Variants in TMEM132D observed in about 807,000 individuals in gnomAD.
TMEM132D encodes the protein transmembrane protein 132D, also known as mature OL transmembrane protein.
TMEM132D carries 21 observed loss-of-function variants against 62.3 expected under a neutral mutation model. The ratio of observed to expected loss-of-function variants is 0.34; its 90% CI spans 0.24 to 0.49. The LOEUF (loss-of-function observed/expected upper bound fraction) is 0.49, where lower values mean the gene tolerates loss of function less well. Ranked by LOEUF, TMEM132D falls within the 20% of genes least tolerant of loss-of-function variation. TMEM132D has a pLI of 0.99. For missense variants in TMEM132D, 1,346 were observed against 1,402.8 expected (o/e 0.96, Z 0.65); for synonymous variants, 621 against 575.6 (o/e 1.08, Z -1.13).
At chr12:129,813,595 C>T (rs945685927) in intron 1 of TMEM132D, among the ~76,000 whole-genome samples, 6 of 113,378 alleles carry the variant, frequency 5.3e-5, no homozygotes, top group East Asian at 7.1e-4. Flanking sequence ...GAAGGATGGA[C>T]GGATACAGAA....
rs186253109 is a variant in TMEM132D at position 129,725,447 on chromosome 12, C to T, written c.80-24749G>A. On this transcript the variant is annotated intron_variant, in intron 1 of 8. Transcript: ENST00000422113. ...TTTCAGTCAATGCTGGTGATGCCAC[C>T]GAACTTGGATTTGGCAAGAAAGGCA... Among the ~76,000 whole-genome samples, 21 of 152,310 alleles carry T rather than the reference C, an allele frequency of 1.4e-4. No individual in the cohort carries two copies. The South Asian group carries it at 4.1e-3, about 30-fold the overall frequency.
At chr12:129,703,427 T>C (rs1311161575) in intron 1 of TMEM132D, among the ~76,000 whole-genome samples, 1 of 151,702 alleles carries the variant, frequency 6.6e-6, no homozygotes, top group East Asian at 1.9e-4. Context: ...TTGCTTAAAA[T>C]TGCTCCATTT....
intron 4 of TMEM132D, among the ~76,000 whole-genome samples, chr12:129,284,131 G>A (rs1196644957): frequency 6.6e-6 from 1 of 152,140 alleles, no homozygotes; most frequent in Admixed American, 6.5e-5. Flanking sequence ...AGACCATCGG[G>A]GACATTTCGG....
chr12:129,348,803 A>G (rs888860417), intron 3 of TMEM132D, among the ~76,000 whole-genome samples: 1 of 152,246 alleles, frequency 6.6e-6, no homozygotes, highest in African/African-American at 2.4e-5. Context: ...ACCTGAACCA[A>G]TGATGGCCGA....
At chr12:129,798,161 A>C (rs1333850577) in intron 1 of TMEM132D, among the ~76,000 whole-genome samples, 1 of 152,218 alleles carries the variant, frequency 6.6e-6, no homozygotes, top group Non-Finnish European at 1.5e-5. Context: ...GAAGCTGAGC[A>C]GATGCCAGCA....
At chr12:129,358,703 C>T (rs1870153251) in intron 3 of TMEM132D, among the ~76,000 whole-genome samples, 1 of 152,130 alleles carries the variant, frequency 6.6e-6, no homozygotes, top group African/African-American at 2.4e-5. Flanking sequence ...CTCAGAGGAC[C>T]TGAGTGTAGC....
intron 3 of TMEM132D, among the ~76,000 whole-genome samples, chr12:129,426,982 T>C (rs2135713938): frequency 6.6e-6 from 1 of 152,304 alleles, no homozygotes; most frequent in Non-Finnish European, 1.5e-5. Flanking sequence ...GGAAAGTCAC[T>C]TTCCTTTACT....
intron 2 of TMEM132D, among the ~76,000 whole-genome samples, chr12:129,603,275 G>A (rs1417107399): frequency 6.6e-6 from 1 of 152,118 alleles, no homozygotes; most frequent in Non-Finnish European, 1.5e-5. Context: ...TAGATTCCCT[G>A]CCCTAAAAAG....
chr12:129,180,229 G>GGAC (rs1565989044), intron 5 of TMEM132D, among the ~76,000 whole-genome samples: 1 of 151,890 alleles, frequency 6.6e-6, no homozygotes, highest in Non-Finnish European at 1.5e-5. Flanking sequence ...AGGAGGAGGA[G>GGAC]GAGGAGGAAG....
chr12:129,628,732 T>A (rs924000136), intron 2 of TMEM132D, among the ~76,000 whole-genome samples: 2 of 152,146 alleles, frequency 1.3e-5, no homozygotes, highest in Non-Finnish European at 2.9e-5. Context: ...ATACTCAGTG[T>A]GATGGCCATG....
chr12:129,561,881 G>C (rs1384182248), intron 2 of TMEM132D, among the ~76,000 whole-genome samples: 1 of 152,196 alleles, frequency 6.6e-6, no homozygotes, highest in Non-Finnish European at 1.5e-5. Context: ...CTTATGAATT[G>C]TTGCTGCTGT....
intron 3 of TMEM132D, among the ~76,000 whole-genome samples, chr12:129,496,478 A>G (rs1874960159): frequency 6.6e-6 from 1 of 152,146 alleles, no homozygotes; most frequent in Non-Finnish European, 1.5e-5. Context: ...GAAGATCATA[A>G]AGGAGGAAAT....
intron 1 of TMEM132D, among the ~76,000 whole-genome samples, chr12:129,800,109 C>G (rs572605961): frequency 9.2e-5 from 14 of 152,154 alleles, no homozygotes; most frequent in African/African-American, 3.1e-4. Flanking sequence ...ATCTCCCCTG[C>G]CATGACTGAA....
chr12:129,218,844 G>A (rs999894279), intron 4 of TMEM132D, among the ~76,000 whole-genome samples: 13 of 152,294 alleles, frequency 8.5e-5, no homozygotes, highest in Middle Eastern at 3.4e-3. Context: ...GGAGTGAGGC[G>A]TAAGCAGCAG....
chr12:129,821,564 ACAGG>A, intron 1 of TMEM132D, among the ~76,000 whole-genome samples: 1 of 152,352 alleles, frequency 6.6e-6, no homozygotes, highest in East Asian at 1.9e-4. Context: ...AAGCTGGACT[ACAGG>A]CAGGCCTCAA....
intron 1 of TMEM132D, among the ~76,000 whole-genome samples, chr12:129,751,092 G>A (rs553217273): frequency 6.6e-5 from 10 of 152,280 alleles, no homozygotes; most frequent in African/African-American, 2.2e-4. Flanking sequence ...CTCTGGAGAT[G>A]AGAGTGTTCC....
chr12:129,399,546 G>T (rs1871550776), intron 3 of TMEM132D, among the ~76,000 whole-genome samples: 1 of 151,894 alleles, frequency 6.6e-6, no homozygotes, highest in African/African-American at 2.4e-5. Flanking sequence ...CTACACTGGT[G>T]CACTGGGGAT....
intron 1 of TMEM132D, among the ~76,000 whole-genome samples, chr12:129,749,460 A>T (rs1020108297): frequency 1.5e-4 from 16 of 104,282 alleles, no homozygotes; most frequent in African/African-American, 4.6e-4. Flanking sequence ...AAGTGAAAAG[A>T]ATCTTTTTTT....
chr12:129,677,879 A>C (rs1880673217), intron 2 of TMEM132D, among the ~76,000 whole-genome samples: 1 of 148,506 alleles, frequency 6.7e-6, no homozygotes, highest in Admixed American at 6.7e-5. Context: ...ATATTGGTCC[A>C]TTATCCATGA....
Sources: allele counts gnomAD v4.1 joint callset (sites outside exome capture counted in the v4.1 genomes callset), GRCh38; gene constraint gnomAD v4.1.1; transcripts MANE v1.5; gene names NCBI Gene and HGNC (gene_info 2026-07-23, HGNC 2026-07-21).